Variants in ANTXR1 observed in about 807,000 individuals in gnomAD.
ANTXR1 encodes the protein anthrax toxin receptor 1.
In ANTXR1, 19 loss-of-function variants were observed where a neutral mutation model predicts 78.1. The observed-to-expected ratio is 0.24, with a 90% CI of 0.17 to 0.36. The LOEUF (loss-of-function observed/expected upper bound fraction) is 0.36, where lower values mean the gene tolerates loss of function less well. Among genes scored for constraint, ANTXR1 ranks in the 10% least tolerant of loss-of-function variants. The pLI is 1.00. For synonymous variants in ANTXR1, 273 were observed against 260.5 expected, an observed-to-expected ratio of 1.05 and a Z score of -0.46; for missense variants, 518 against 718.6, an observed-to-expected ratio of 0.72 and a Z score of 3.19.
intron 3 of ANTXR1, among the ~76,000 whole-genome samples, chr2:69,059,886 A>AG (rs1156712007): frequency 6.6e-6 from 1 of 152,216 alleles, no homozygotes; most frequent in African/African-American, 2.4e-5. Flanking sequence ...AAGGTCTAAC[A>AG]GGGCTTATTT....
chr2:69,158,500 A>G (rs1558608616), intron 13 of ANTXR1, among the ~76,000 whole-genome samples: 2 of 152,338 alleles, frequency 1.3e-5, no homozygotes, highest in East Asian at 3.9e-4. Context: ...TATCACAAGT[A>G]TTTATGTATA....
chr2:69,202,396 C>T (rs1267294632), intron 17 of ANTXR1, among the ~76,000 whole-genome samples: 3 of 152,212 alleles, frequency 2.0e-5, no homozygotes, highest in South Asian at 2.1e-4. Context: ...CTTAGTGACC[C>T]GAGCTCTGTG....
intron 17 of ANTXR1, among the ~76,000 whole-genome samples, chr2:69,237,072 T>C (rs990011491): frequency 2.6e-5 from 4 of 152,246 alleles, no homozygotes; most frequent in Admixed American, 2.6e-4. Flanking sequence ...TCAACATTAA[T>C]TCTTGACAGA....
At chr2:69,245,039 G>A (rs1675981563) in intron 17 of ANTXR1, among the ~76,000 whole-genome samples, 186 bp from the exon 18 acceptor site, 1 of 151,968 alleles carries the variant, frequency 6.6e-6, no homozygotes, top group Non-Finnish European at 1.5e-5. Flanking sequence ...TAACAGTTTT[G>A]CAACACAGTC....
rs72903114 is a variant in ANTXR1 at position 69,202,002 on chromosome 2, G to T, written c.1434+8587G>T. ...TTAAATTTTGTGCCCTAGACACCTCGCATGCCTCACCCTAGTCAGGGGGCA... is the reference window on the plus strand; with the variant it reads ...TTAAATTTTGTGCCCTAGACACCTCTCATGCCTCACCCTAGTCAGGGGGCA... On this transcript the variant is annotated intron_variant, in intron 17 of 17. Transcript: ENST00000303714. Among the ~76,000 whole-genome samples the T allele has an allele frequency of 5.0e-4, 76 of 152,256 alleles. 1 individual carries two copies. The highest frequency in any genetic ancestry group is 1.8e-3 in the African/African-American group (73 of 41,542).
At chr2:69,068,051 C>T (rs1355119795) in intron 3 of ANTXR1, among the ~76,000 whole-genome samples, 1 of 152,140 alleles carries the variant, frequency 6.6e-6, no homozygotes, top group African/African-American at 2.4e-5. Context: ...TCCTGCTTGG[C>T]CTCCTTCCAT....
chr2:69,120,226 G>T (rs916230465), intron 10 of ANTXR1, among the ~76,000 whole-genome samples: 5 of 152,162 alleles, frequency 3.3e-5, no homozygotes, highest in African/African-American at 1.2e-4. Context: ...TACTGAAAGT[G>T]AAAAACAGAA....
At chr2:69,241,255 A>G (rs1275982670) in intron 17 of ANTXR1, among the ~76,000 whole-genome samples, 2 of 152,224 alleles carry the variant, frequency 1.3e-5, no homozygotes, top group Non-Finnish European at 2.9e-5. Flanking sequence ...GCTGGCCTAC[A>G]TGACGGTGAG....
At chr2:69,041,976 C>T (rs1467908420) in intron 2 of ANTXR1, among the ~76,000 whole-genome samples, 1 of 152,218 alleles carries the variant, frequency 6.6e-6, no homozygotes. Context: ...TTGACAGTCA[C>T]AGCCCAAGTG....
At chr2:69,201,114 G>A (rs1461368119) in intron 17 of ANTXR1, among the ~76,000 whole-genome samples, 1 of 152,146 alleles carries the variant, frequency 6.6e-6, no homozygotes, top group Non-Finnish European at 1.5e-5. Context: ...GAGGAACAGG[G>A]ACAAACAGGA....
intron 14 of ANTXR1, among the ~76,000 whole-genome samples, chr2:69,178,609 G>GC (rs961282461): frequency 6.6e-6 from 1 of 152,006 alleles, no homozygotes; most frequent in Non-Finnish European, 1.5e-5. Flanking sequence ...AGGGAGAACT[G>GC]CCCCCGTGTG....
rs538255475 is a variant in ANTXR1 at position 69,142,743 on chromosome 2, A to G, written c.952-9426A>G. Among the ~76,000 whole-genome samples the G allele has an allele frequency of 3.3e-5, 5 of 151,948 alleles. No homozygotes were observed. In the East Asian group the frequency reaches 5.8e-4, roughly 18 times the overall value. On this transcript the variant is annotated intron_variant, in intron 12 of 17. Transcript: ENST00000303714. ...CAATGATAGTTAGAAAGAGTGTCTC[A>G]GGGAGAAGAAGACCGTGACAGAAGA... is the stretch of plus-strand genomic sequence containing the variant.
intron 1 of ANTXR1, among the ~76,000 whole-genome samples, chr2:69,028,075 G>A (rs1671404074): frequency 2.0e-5 from 3 of 152,150 alleles, no homozygotes; most frequent in African/African-American, 4.8e-5. Context: ...CTAGAGGAAA[G>A]TGATGAATGA....
chr2:69,158,851 T>C (rs1673600305), intron 13 of ANTXR1, among the ~76,000 whole-genome samples: 1 of 152,220 alleles, frequency 6.6e-6, no homozygotes, highest in African/African-American at 2.4e-5. Context: ...TTACAATGGG[T>C]TTAATCTGGA....
chr2:69,074,727 A>G, intron 6 of ANTXR1, among the ~76,000 whole-genome samples: 1 of 152,266 alleles, frequency 6.6e-6, no homozygotes, highest in South Asian at 2.1e-4. Flanking sequence ...AGTGTTAAAC[A>G]GAAATGGATT....
At chr2:69,130,826 A>T (rs1672718318) in intron 12 of ANTXR1, among the ~76,000 whole-genome samples, 1 of 152,164 alleles carries the variant, frequency 6.6e-6, no homozygotes, top group Non-Finnish European at 1.5e-5. Flanking sequence ...TCTCTACGAT[A>T]AGACTGTATT....
At chr2:69,077,287 C>A in intron 7 of ANTXR1, 121 bp from the exon 8 acceptor site, 2 of 1,015,660 alleles carry the variant, frequency 2.0e-6, no homozygotes, top group Non-Finnish European at 3.1e-6. Flanking sequence ...CCAGTGAAGG[C>A]CTCATATTCC....
Position 69,245,300 on chromosome 2 carries a change from T to G in ANTXR1, c.1510T>G (p.Ser504Ala), listed in dbSNP as rs1675993165. The change falls in exon 18 of 18, where the codon TCC (serine) becomes GCC (alanine). Residue 504 changes from serine to alanine, a missense_variant. By Grantham distance (99) the Ser-to-Ala change is moderately conservative. Coordinates refer to ENST00000303714, the MANE Select transcript of ANTXR1 (RefSeq NM_032208.3). ...KYPLNNAYHT[S>A]SPPPAPIYTP... Reference sequence around the variant, plus strand: ...CCCACTCAACAACGCCTACCACACCTCCTCGCCGCCTCCTGCCCCCATCTA... The same window carrying G: ...CCCACTCAACAACGCCTACCACACCGCCTCGCCGCCTCCTGCCCCCATCTA... The G allele has an allele frequency of 6.2e-7, 1 of 1,608,922 alleles. No homozygotes were observed. Among genetic ancestry groups the G allele is most frequent in the African/African-American group, 1.4e-5 (1 of 73,002 alleles).
At chr2:69,165,804 C>A (rs528011269) in intron 13 of ANTXR1, among the ~76,000 whole-genome samples, 5 of 152,178 alleles carry the variant, frequency 3.3e-5, no homozygotes, top group Non-Finnish European at 7.3e-5. Flanking sequence ...ACAAACACAA[C>A]GGCAAGGATC....
Sources: allele counts gnomAD v4.1 joint callset (sites outside exome capture counted in the v4.1 genomes callset), GRCh38; gene constraint gnomAD v4.1.1; transcripts MANE v1.5; gene names NCBI Gene and HGNC (gene_info 2026-07-23, HGNC 2026-07-21).